CDYL: variants seen among roughly 807,000 people sequenced by gnomAD.
CDYL encodes chromodomain Y like.
Under a neutral mutation model 47.3 loss-of-function variants are expected in CDYL, and 8 were observed. The observed-to-expected ratio is 0.17, with a 90% CI of 0.10 to 0.31. CDYL has a LOEUF of 0.31. Among genes scored for constraint, CDYL ranks in the 10% least tolerant of loss-of-function variants. The pLI is 1.00. For synonymous variants in CDYL, 266 were observed against 265.0 expected (o/e 1.00, Z -0.04); for missense variants, 471 against 701.4 (o/e 0.67, Z 3.71).
intron 6 of CDYL, 102 bp downstream of exon 6, chr6:4,952,511 G>A: frequency 7.7e-7 from 1 of 1,295,564 alleles, no homozygotes; most frequent in Non-Finnish European, 1.1e-6. Flanking sequence ...CTTTACGTTT[G>A]TCCTCAACAG....
chr6:4,906,924 G>A (rs12110777), intron 2 of CDYL, among the ~76,000 whole-genome samples: 5,304 of 152,288 alleles, frequency 0.035, 103 homozygotes, highest in Middle Eastern at 0.082. Flanking sequence ...ATTAATCACT[G>A]TTTACAGAAA....
chr6:4,927,576 C>T (rs567312996), intron 2 of CDYL, among the ~76,000 whole-genome samples: 10 of 151,748 alleles, frequency 6.6e-5, no homozygotes, highest in Admixed American at 3.9e-4. Context: ...CCACCACACC[C>T]GACTAATTTT....
rs534650142 is a variant in CDYL at position 4,920,621 on chromosome 6, G to C, written c.692-14894G>C. Among the ~76,000 whole-genome samples the C allele has an allele frequency of 4.6e-5, 7 of 152,278 alleles. No homozygotes were observed. In the South Asian group the frequency reaches 1.2e-3, roughly 27 times the overall value. On this transcript the variant is annotated intron_variant, in intron 2 of 6. Coordinates refer to ENST00000397588, the MANE Select transcript of CDYL (RefSeq NM_004824.4). ...AGAGCTCATTAATCAAATTCGTTCA[G>C]TTTTATTGATTGATTGAGATGGAGT...
chr6:4,886,682 C>T (rs1761908646), intron 1 of CDYL, among the ~76,000 whole-genome samples: 1 of 151,968 alleles, frequency 6.6e-6, no homozygotes, highest in Non-Finnish European at 1.5e-5. Context: ...TGGTGGTATC[C>T]TTTGAAGCAC....
intron 3 of CDYL, among the ~76,000 whole-genome samples, chr6:4,759,878 T>TAAAAAAAAAAA (rs1267590745): frequency 2.8e-4 from 1 of 3,512 alleles, no homozygotes; most frequent in Non-Finnish European, 8.1e-4. Flanking sequence ...AAACTCCATC[T>TAAAAAAAAAAA]CAAAAAAAAA....
Position 4,740,979 on chromosome 6 carries a change from G to A in CDYL, c.186+6135G>A, listed in dbSNP as rs181968582. Among the ~76,000 whole-genome samples the A allele has an allele frequency of 3.9e-3, 599 of 152,062 alleles. 6 individuals carry two copies. The highest frequency in any genetic ancestry group is 0.014 in the African/African-American group (566 of 41,484). On this transcript the variant is annotated intron_variant, in intron 3 of 8. Transcript: ENST00000328908. ...TTTTTGTATTTTTAGTAGAGATGGGGTTTCACCATGTTGGCCAGGCTGGTC... is the reference window on the plus strand; with the variant it reads ...TTTTTGTATTTTTAGTAGAGATGGGATTTCACCATGTTGGCCAGGCTGGTC...
At chr6:4,922,858 G>A (rs919122353) in intron 2 of CDYL, among the ~76,000 whole-genome samples, 1 of 152,182 alleles carries the variant, frequency 6.6e-6, no homozygotes, top group Non-Finnish European at 1.5e-5. Flanking sequence ...CAGCCTCGGG[G>A]TGCGTCTGAT....
intron 2 of CDYL, among the ~76,000 whole-genome samples, chr6:4,727,665 T>C (rs1321124390): frequency 7.9e-6 from 1 of 126,474 alleles, no homozygotes; most frequent in East Asian, 2.6e-4. Flanking sequence ...GCATAAGCCC[T>C]GAGTAGATAT....
chr6:4,812,121 CAT>C (rs1479333499), intron 1 of CDYL, among the ~76,000 whole-genome samples: 9 of 152,310 alleles, frequency 5.9e-5, no homozygotes, highest in Admixed American at 5.2e-4. Flanking sequence ...GTTTTGTATA[CAT>C]GTTTTCTATA....
At chr6:4,948,485 A>T (rs188574258) in intron 5 of CDYL, among the ~76,000 whole-genome samples, 62 of 151,990 alleles carry the variant, frequency 4.1e-4, no homozygotes, top group Non-Finnish European at 7.9e-4. Context: ...TCCCCTGGAG[A>T]TGTACTGGTG....
At chr6:4,754,245 A>T (rs1156464609) in intron 3 of CDYL, among the ~76,000 whole-genome samples, 2 of 152,256 alleles carry the variant, frequency 1.3e-5, no homozygotes, top group East Asian at 1.9e-4. Context: ...AACTATTTTC[A>T]TCAGCTGGAC....
chr6:4,883,200 T>C (rs1332052146), intron 1 of CDYL, among the ~76,000 whole-genome samples: 1 of 152,140 alleles, frequency 6.6e-6, no homozygotes, highest in African/African-American at 2.4e-5. Flanking sequence ...GCAACAATGC[T>C]AGTACCTAGG....
chr6:4,952,431 A>G lies in CDYL; in HGVS notation c.1476+22A>G, dbSNP rs758193441. ...AGTTGTATGTCTAATTGCTTCTGTT[A>G]CACGTTACTTTTTAAAAAATAGAAA... is the stretch of plus-strand genomic sequence containing the variant. On this transcript the variant is annotated intron_variant, in intron 6 of 6. Transcript: ENST00000397588. 5 of 1,583,148 alleles carry G rather than the reference A, an allele frequency of 3.2e-6. No individual in the cohort carries two copies. The Admixed American group carries it at 7.5e-5, about 24-fold the overall frequency.
intron 1 of CDYL, among the ~76,000 whole-genome samples, chr6:4,810,833 C>G (rs1326866218): frequency 6.6e-6 from 1 of 152,218 alleles, no homozygotes; most frequent in African/African-American, 2.4e-5. Flanking sequence ...CCTTGTGCCA[C>G]TCTCCTATGT....
intron 1 of CDYL, among the ~76,000 whole-genome samples, chr6:4,870,755 C>A (rs369432960): frequency 6.6e-6 from 1 of 152,114 alleles, no homozygotes; most frequent in South Asian, 2.1e-4. Context: ...TTCACTGATT[C>A]TTTCTTCTGC....
intron 3 of CDYL, among the ~76,000 whole-genome samples, chr6:4,743,516 C>A (rs559246478): frequency 5.1e-4 from 77 of 152,320 alleles, no homozygotes; most frequent in African/African-American, 1.8e-3. Flanking sequence ...ACCCCTTCCC[C>A]CAGCCACATC....
At chr6:4,854,776 A>G (rs1007908884) in intron 1 of CDYL, among the ~76,000 whole-genome samples, 7 of 152,046 alleles carry the variant, frequency 4.6e-5, no homozygotes, top group African/African-American at 1.7e-4. Context: ...CGAAACAAAA[A>G]CCAGCCACCC....
chr6:4,781,454 T>G (rs922936149), intron 1 of CDYL, among the ~76,000 whole-genome samples: 2 of 152,232 alleles, frequency 1.3e-5, no homozygotes, highest in African/African-American at 2.4e-5. Flanking sequence ...AAGAGTTCAT[T>G]TGACTTCAGG....
chr6:4,918,379 C>CT lies in CDYL; in HGVS notation c.692-17128dup, dbSNP rs111353674. On this transcript the variant is annotated intron_variant, in intron 2 of 6. Transcript: ENST00000397588. ...GTTGGGTGATGTTCTGCCCCCCCCC[C>CT]TTTTTTTTGGCACTTTGAGGTGACA... 5.5e-3 allele frequency among the ~76,000 whole-genome samples: 825 copies of CT among 150,748 alleles called. 3 individuals are homozygous for CT. The highest frequency in any genetic ancestry group is 9.5e-3 in the Admixed American group (144 of 15,190).
Sources: gnomAD v4.1 joint callset for allele counts (sites outside exome capture counted in the v4.1 genomes callset) on GRCh38, gnomAD v4.1.1 for gene constraint, MANE v1.5 for transcripts, NCBI Gene and HGNC (gene_info 2026-07-23, HGNC 2026-07-21) for gene names.